PCDHGB5: variants seen among roughly 807,000 people sequenced by gnomAD.
The protein encoded by PCDHGB5 is protocadherin gamma subfamily B, 5, also known as protocadherin gamma-B5.
Under a neutral mutation model 62.9 loss-of-function variants are expected in PCDHGB5, and 48 were observed. That is an observed-to-expected ratio of 0.76 (90% CI 0.61 to 0.97). PCDHGB5 has a LOEUF of 0.97. PCDHGB5 is among the 50% of genes least tolerant of loss of function. The probability of loss-of-function intolerance (pLI) is 0.00; values close to 1 mark genes in which losing one functional copy is unlikely to be tolerated. For synonymous variants in PCDHGB5, 474 were observed against 511.2 expected (o/e 0.93, Z 0.98); for missense variants, 1,118 against 1,198.6 (o/e 0.93, Z 0.99).
intron 1 of PCDHGB5, among the ~76,000 whole-genome samples, chr5:141,430,380 TG>T (rs1376875091): frequency 6.8e-6 from 1 of 147,890 alleles, no homozygotes; most frequent in Non-Finnish European, 1.5e-5. Flanking sequence ...AAAAGCTCAT[TG>T]GGAAAAAAAA....
At position 141,490,006 on chromosome 5, in the gene PCDHGB5, C is replaced by T; in HGVS notation, c.2398-4801C>T. The stretch of plus-strand genomic sequence containing the variant: ...ACGTGTGGGAATCCCAGAGAATGCA[C>T]CCATTGGTACTCTGCTGCTCCGCCT... On this transcript the variant is annotated intron_variant, in intron 1 of 3. Coordinates refer to ENST00000617380, the MANE Select transcript of PCDHGB5 (RefSeq NM_018925.3). This position sits in a 1 kb window ranked among gnomAD's most constrained non-coding sequence, Gnocchi z 5.4. 2 of 1,614,222 alleles carry T rather than the reference C, an allele frequency of 1.2e-6. No homozygotes were observed. The highest frequency in any genetic ancestry group is 1.7e-6 in the Non-Finnish European group (2 of 1,180,010).
At chr5:141,449,137 A>C (rs1257120647) in intron 1 of PCDHGB5, among the ~76,000 whole-genome samples, 1 of 152,176 alleles carries the variant, frequency 6.6e-6, no homozygotes, top group Non-Finnish European at 1.5e-5. Context: ...AATGGAATTG[A>C]AATTGCTGGG....
At chr5:141,508,737 C>G (rs919094477) in intron 3 of PCDHGB5, among the ~76,000 whole-genome samples, 2 of 152,010 alleles carry the variant, frequency 1.3e-5, no homozygotes, top group Non-Finnish European at 2.9e-5. Flanking sequence ...CTACACCCCC[C>G]ACCCCGCTCT....
intron 1 of PCDHGB5, chr5:141,441,868 C>A: frequency 3.0e-6 from 1 of 338,212 alleles, no homozygotes; most frequent in Non-Finnish European, 5.8e-6. Flanking sequence ...CGCCGCGGAG[C>A]CTGGCTACCT....
chr5:141,427,294 A>G (rs1239553754), intron 1 of PCDHGB5: 6 of 456,876 alleles, frequency 1.3e-5, no homozygotes, highest in Non-Finnish European at 2.2e-5. Context: ...GAAATCCTAG[A>G]TGAGAATGAC....
intron 1 of PCDHGB5, among the ~76,000 whole-genome samples, chr5:141,492,329 C>T (rs2099739386): frequency 1.3e-5 from 2 of 152,232 alleles, no homozygotes; most frequent in African/African-American, 4.8e-5. Context: ...CGTGGGCTTA[C>T]GCGAATACCA....
intron 2 of PCDHGB5, among the ~76,000 whole-genome samples, chr5:141,498,277 G>T (rs1216561939): frequency 6.6e-6 from 1 of 151,924 alleles, no homozygotes; most frequent in African/African-American, 2.4e-5. Flanking sequence ...CAGTAAACTT[G>T]GTTCAAGATC....
At position 141,406,382 on chromosome 5, in the gene PCDHGB5, G is replaced by A. The variant is rs189693155; in HGVS notation, c.2397+5858G>A. Reference sequence around the variant, plus strand: ...TTTGTAAGGGTAAACTGATAAAAAGGTAAATGTATTCTTCTTAGAGAAACA... The same window carrying A: ...TTTGTAAGGGTAAACTGATAAAAAGATAAATGTATTCTTCTTAGAGAAACA... On this transcript the variant is annotated intron_variant, in intron 1 of 3. Transcript: ENST00000617380. Among the ~76,000 whole-genome samples, 63 of 152,232 alleles carry A rather than the reference G, an allele frequency of 4.1e-4. 1 individual carries two copies. Among genetic ancestry groups the A allele is most frequent in the African/African-American group, 1.4e-3 (60 of 41,554 alleles).
chr5:141,420,525 C>T (rs895355117), intron 1 of PCDHGB5: 2 of 358,086 alleles, frequency 5.6e-6, no homozygotes, highest in South Asian at 2.1e-4. Flanking sequence ...AAATACCTTT[C>T]GGTTAAAAAT....
intron 1 of PCDHGB5, among the ~76,000 whole-genome samples, chr5:141,455,172 G>GT (rs1344126228): frequency 3.3e-5 from 5 of 150,340 alleles, no homozygotes; most frequent in South Asian, 4.2e-4. Context: ...TTTTTTTTTA[G>GT]TTTTTTTATT....
In PCDHGB5 at chr5:141,406,998, A is replaced by G. The variant is rs138992041; in HGVS notation, c.2397+6474A>G. ...AACATTTCACAAGACATTTGAAAAT[A>G]AGCTTTGAAGTTGACTCAAAATTCT... On this transcript the variant is annotated intron_variant, in intron 1 of 3. Transcript: ENST00000617380. 7.5e-3 allele frequency among the ~76,000 whole-genome samples: 1,140 copies of G among 152,352 alleles called. 5 individuals carry two copies. The highest frequency in any genetic ancestry group is 0.012 in the Non-Finnish European group (837 of 68,024).
At chr5:141,418,369 C>G (rs763319499) in intron 1 of PCDHGB5, 62 of 1,613,842 alleles carry the variant, frequency 3.8e-5, no homozygotes, top group Non-Finnish European at 4.8e-5. Context: ...TGAGCAAATA[C>G]CAACTAAGTC....
chr5:141,439,042 A>C (rs2098084096), intron 1 of PCDHGB5, among the ~76,000 whole-genome samples: 1 of 151,642 alleles, frequency 6.6e-6, no homozygotes, highest in Non-Finnish European at 1.5e-5. Context: ...TCAGTTCATA[A>C]GATTTCCATA....
chr5:141,509,499 T>C (rs895353804), intron 3 of PCDHGB5, among the ~76,000 whole-genome samples: 1 of 152,128 alleles, frequency 6.6e-6, no homozygotes, highest in Non-Finnish European at 1.5e-5. Flanking sequence ...GCATGCTGGA[T>C]GTGACGGTGT....
At chr5:141,473,098 A>G (rs564554159) in intron 1 of PCDHGB5, among the ~76,000 whole-genome samples, 6 of 152,300 alleles carry the variant, frequency 3.9e-5, no homozygotes, top group South Asian at 4.1e-4. Context: ...TGTGAGTTGT[A>G]TTACCACACT....
chr5:141,500,521 A>T lies in PCDHGB5; in HGVS notation c.2457-4872A>T, dbSNP rs185546944. 3.7e-3 allele frequency among the ~76,000 whole-genome samples: 560 copies of T among 152,176 alleles called. 5 individuals are homozygous for T. Among genetic ancestry groups the T allele is most frequent in the Admixed American group, 0.011 (162 of 15,280 alleles). On this transcript the variant is annotated intron_variant, in intron 2 of 3. Coordinates refer to ENST00000617380, the MANE Select transcript of PCDHGB5 (RefSeq NM_018925.3). Reference sequence around the variant, plus strand: ...ACCGCGCCTGGCCGAGCTTCATTTTAAAAAAATCTCATTCACCTAAATAAG... The same window carrying T: ...ACCGCGCCTGGCCGAGCTTCATTTTTAAAAAATCTCATTCACCTAAATAAG...
In PCDHGB5 at chr5:141,476,908, A is replaced by G. The variant is rs754076231; in HGVS notation, c.2398-17899A>G. 6.2e-7 allele frequency: 1 copy of G among 1,614,050 alleles called. No individual in the cohort carries two copies. The highest frequency in any genetic ancestry group is 8.5e-7 in the Non-Finnish European group (1 of 1,180,038). On this transcript the variant is annotated intron_variant, in intron 1 of 3. Coordinates refer to ENST00000617380, the MANE Select transcript of PCDHGB5 (RefSeq NM_018925.3). This position sits in a 1 kb window ranked among gnomAD's most constrained non-coding sequence, Gnocchi z 7.6. ...ATGCACCCTCCGGCACGCGCGTGGT[A>G]CAAGTCCTTGCAACGGATCTGGATG...
intron 1 of PCDHGB5, chr5:141,408,051 C>G (rs894200228): frequency 3.2e-5 from 41 of 1,264,370 alleles, no homozygotes; most frequent in African/African-American, 1.1e-4. Flanking sequence ...CCACACAGAG[C>G]CTCCCGGCTG....
chr5:141,423,489 T>C (rs764165685), intron 1 of PCDHGB5: 1 of 1,614,016 alleles, frequency 6.2e-7, no homozygotes, highest in South Asian at 1.1e-5. Context: ...TGCAAACCTA[T>C]TCCCACGAGG....
Sources: allele counts gnomAD v4.1 joint callset (sites outside exome capture counted in the v4.1 genomes callset), GRCh38; gene constraint gnomAD v4.1.1; non-coding constraint Gnocchi (gnomAD v3.1); transcripts MANE v1.5; gene names NCBI Gene and HGNC (gene_info 2026-07-23, HGNC 2026-07-21).